STN1: variants seen among roughly 807,000 people sequenced by gnomAD.
The protein encoded by STN1 is CST complex subunit STN1.
Under a neutral mutation model 45.5 loss-of-function variants are expected in STN1, and 29 were observed. The observed-to-expected ratio is 0.64, with a 90% CI of 0.47 to 0.87. The LOEUF (loss-of-function observed/expected upper bound fraction) is 0.87. Ranked by LOEUF, STN1 falls within the 40% of genes least tolerant of loss-of-function variation. STN1 has a pLI of 0.00. For synonymous variants in STN1, 148 were observed against 159.0 expected (o/e 0.93, Z 0.52); for missense variants, 376 against 441.4 (o/e 0.85, Z 1.33).
intron 2 of STN1, among the ~76,000 whole-genome samples, chr10:103,912,098 G>A (rs1363237613): frequency 6.6e-6 from 1 of 152,100 alleles, no homozygotes; most frequent in Non-Finnish European, 1.5e-5. Flanking sequence ...GGAACAAGGA[G>A]GGAAGGAGCC....
chr10:103,902,093 G>C (rs1304448216), intron 4 of STN1, among the ~76,000 whole-genome samples: 1 of 152,154 alleles, frequency 6.6e-6, no homozygotes, highest in Non-Finnish European at 1.5e-5. Flanking sequence ...CTGTGGCTCT[G>C]TAATGTACAG....
chr10:103,880,900 T>C lies in STN1; in HGVS notation c.*1784A>G, dbSNP rs1417313277. ...CTGTGTGTGTGTATATATATATATA[T>C]GTACATGTGCTACATTTATAAAGAC... On this transcript the variant is annotated 3_prime_UTR_variant, in exon 10 of 10. Transcript: ENST00000224950. Among the ~76,000 whole-genome samples the C allele has an allele frequency of 1.3e-5, 2 of 152,160 alleles. No homozygotes were observed. The highest frequency in any genetic ancestry group is 2.9e-5 in the Non-Finnish European group (2 of 68,024).
intron 9 of STN1, among the ~76,000 whole-genome samples, 181 bp from the exon 10 acceptor site, chr10:103,883,022 G>A (rs141367836): frequency 8.1e-4 from 123 of 152,226 alleles, no homozygotes; most frequent in African/African-American, 2.9e-3. Context: ...CTGTTCTCAG[G>A]CCCCTGATGT....
At chr10:103,889,695 C>CTTTTTTTTT (rs58738841) in intron 8 of STN1, among the ~76,000 whole-genome samples, 1 of 122,098 alleles carries the variant, frequency 8.2e-6, no homozygotes, top group Non-Finnish European at 1.7e-5. Context: ...TTTCTTTTTC[C>CTTTTTTTTT]TTTTTTTTTT....
intron 2 of STN1, among the ~76,000 whole-genome samples, chr10:103,910,837 A>G (rs1310190705): frequency 6.6e-6 from 1 of 152,186 alleles, no homozygotes. Flanking sequence ...TTGGCATTAA[A>G]GCTTGCACTA....
intron 3 of STN1, among the ~76,000 whole-genome samples, chr10:103,908,946 C>A (rs1255793467): frequency 1.3e-5 from 2 of 150,978 alleles, no homozygotes; most frequent in Non-Finnish European, 2.9e-5. Context: ...AAAAATCAAA[C>A]TGAGTTATAT....
At position 103,881,638 on chromosome 10, in the gene STN1, G is replaced by A. The variant is rs1418358621; in HGVS notation, c.*1046C>T. Among the ~76,000 whole-genome samples the A allele has an allele frequency of 6.6e-6, 1 of 152,212 alleles. No individual in the cohort carries two copies. The highest frequency in any genetic ancestry group is 1.5e-5 in the Non-Finnish European group (1 of 68,026). On this transcript the variant is annotated 3_prime_UTR_variant, in exon 10 of 10. Coordinates refer to ENST00000224950, the MANE Select transcript of STN1 (RefSeq NM_024928.5). ...CCTAAAGGATCTCCAGCTGAGCCACGAAGAGCTTATCACATCAAGAGCAAA... is the reference window on the plus strand; with the variant it reads ...CCTAAAGGATCTCCAGCTGAGCCACAAAGAGCTTATCACATCAAGAGCAAA...
intron 8 of STN1, among the ~76,000 whole-genome samples, chr10:103,891,155 CAT>C (rs1843137103): frequency 6.6e-6 from 1 of 152,208 alleles, no homozygotes; most frequent in South Asian, 2.1e-4. Context: ...GAAATACTGA[CAT>C]GAGTTCACAA....
chr10:103,914,564 G>T (rs917158514), intron 2 of STN1, among the ~76,000 whole-genome samples: 1 of 151,150 alleles, frequency 6.6e-6, no homozygotes, highest in Non-Finnish European at 1.5e-5. Context: ...TTGTTGCCCA[G>T]GCTGGTCTTG....
chr10:103,891,991 G>A (rs1843142589), intron 8 of STN1, 139 bp downstream of exon 8: 2 of 688,456 alleles, frequency 2.9e-6, no homozygotes, highest in Admixed American at 3.4e-5. Context: ...CCTCGGGGAA[G>A]GATAAGGGCC....
intron 5 of STN1, 51 bp downstream of exon 5, chr10:103,900,011 G>C: frequency 6.3e-7 from 1 of 1,577,070 alleles, no homozygotes; most frequent in Non-Finnish European, 8.7e-7. Flanking sequence ...GAGGTTTACT[G>C]GACGCACATC....
Position 103,898,861 on chromosome 10 carries a change from A to C in STN1, c.581+16T>G. On this transcript the variant is annotated intron_variant, in intron 6 of 9. Transcript: ENST00000224950. Reference sequence around the variant, plus strand: ...TGCCGTGGTCACGTGCTCAGCAGTGATAAGTCACCACTTACCTTAGTGCCT... The same window carrying C: ...TGCCGTGGTCACGTGCTCAGCAGTGCTAAGTCACCACTTACCTTAGTGCCT... 6.2e-6 allele frequency: 10 copies of C among 1,613,386 alleles called. No homozygotes were observed. The highest frequency in any genetic ancestry group is 8.5e-6 in the Non-Finnish European group (10 of 1,179,840).
intron 9 of STN1, among the ~76,000 whole-genome samples, chr10:103,888,742 T>G (rs1017092171): frequency 6.6e-6 from 1 of 152,162 alleles, no homozygotes; most frequent in Non-Finnish European, 1.5e-5. Context: ...AACGTCCTAG[T>G]GTGGTGACCT....
rs1033105916 is a variant in STN1, at chr10:103,877,868, C to A, written c.*4816G>T. ...CAGTCTTTCTGAGTTTGCCTGTATG[C>A]TTCACATAAATGTAGTAAAAAAACA... is the stretch of plus-strand genomic sequence containing the variant. On this transcript the variant is annotated 3_prime_UTR_variant, in exon 10 of 10. Coordinates refer to ENST00000224950, the MANE Select transcript of STN1 (RefSeq NM_024928.5). The A allele has an allele frequency of 6.6e-6, 1 of 152,216 alleles. No individual in the cohort carries two copies. The highest frequency in any genetic ancestry group is 2.4e-5 in the African/African-American group (1 of 41,454). The allele number at this position is 152,216 out of a possible 1,614,324, so 9.4% of individuals were successfully genotyped here.
chr10:103,903,915 C>A (rs1336180050), intron 4 of STN1, among the ~76,000 whole-genome samples: 1 of 152,166 alleles, frequency 6.6e-6, no homozygotes. Flanking sequence ...CAAAGCAATG[C>A]CATTGATTTA....
At chr10:103,887,679 T>C (rs1021952754) in intron 9 of STN1, among the ~76,000 whole-genome samples, 4 of 152,220 alleles carry the variant, frequency 2.6e-5, no homozygotes, top group African/African-American at 9.6e-5. Flanking sequence ...TAGTGGCTTT[T>C]AGAGGCTCCC....
chr10:103,895,915 T>A lies in STN1; in HGVS notation c.753+1633A>T, dbSNP rs190560431. Among the ~76,000 whole-genome samples the A allele has an allele frequency of 3.3e-5, 5 of 152,340 alleles. No individual in the cohort carries two copies. In the East Asian group the frequency reaches 9.6e-4, roughly 29 times the overall value. On this transcript the variant is annotated intron_variant, in intron 7 of 9. Transcript: ENST00000224950. ...GTAGGGGCCAACCTATATGTACGGC[T>A]AGGAAAGAATCTGTGAGACATACGT...
chr10:103,908,336 C>A (rs1564634720), intron 3 of STN1, among the ~76,000 whole-genome samples: 1 of 152,204 alleles, frequency 6.6e-6, no homozygotes, highest in Non-Finnish European at 1.5e-5. Context: ...AGAGGTCTGG[C>A]TGCTGGAATG....
At position 103,892,138 on chromosome 10, in the gene STN1, G is replaced by A; in HGVS notation, c.868C>T (p.Leu290=). 3 of 1,608,842 alleles carry A rather than the reference G, an allele frequency of 1.9e-6. No individual in the cohort carries two copies. The highest frequency in any genetic ancestry group is 2.5e-6 in the Non-Finnish European group (3 of 1,178,452). Residue 290 remains leucine (L), a synonymous_variant, in exon 8 of 10, where the codon CTA becomes TTA. Coordinates refer to ENST00000224950, the MANE Select transcript of STN1 (RefSeq NM_024928.5). ...AGTTGCAAGTGTCTTACATAGTATAGGTTATCAAAACCATCATCTTTCTGG... is the reference window on the plus strand; with the variant it reads ...AGTTGCAAGTGTCTTACATAGTATAAGTTATCAAAACCATCATCTTTCTGG... ...VFQKDDGFDN[L]YYVTREDKDL...
Sources: gnomAD v4.1 joint callset for allele counts (sites outside exome capture counted in the v4.1 genomes callset) on GRCh38, gnomAD v4.1.1 for gene constraint, MANE v1.5 for transcripts, NCBI Gene and HGNC (gene_info 2026-07-23, HGNC 2026-07-21) for gene names.